Variants in RAD51B observed in about 807,000 individuals in gnomAD.
RAD51B encodes the protein RAD51 paralog B.
In RAD51B, 38 loss-of-function variants were observed where a neutral mutation model predicts 42.2. The observed-to-expected ratio is 0.90, with a 90% CI of 0.70 to 1.18. RAD51B has a LOEUF of 1.18. Among genes scored for constraint, RAD51B ranks in the 50% most tolerant of loss-of-function variants. The pLI, the probability that RAD51B is intolerant of heterozygous loss-of-function variation, is 0.00. For missense variants in RAD51B, 373 were observed against 400.7 expected, an observed-to-expected ratio of 0.93 and a Z score of 0.59; for synonymous variants, 154 against 145.2, an observed-to-expected ratio of 1.06 and a Z score of -0.43.
At chr14:68,563,123 G>A in intron 10 of RAD51B, 6 of 985,434 alleles carry the variant, frequency 6.1e-6, no homozygotes, top group Non-Finnish European at 7.2e-6. Context: ...GTTCAGAGAG[G>A]GCTTCACATT....
chr14:68,184,625 C>CAAAAAAAAAAAAAAAAAAAAAAAA (rs3073458), intron 7 of RAD51B, among the ~76,000 whole-genome samples: 2 of 132,382 alleles, frequency 1.5e-5, no homozygotes, highest in Non-Finnish European at 1.6e-5. Context: ...AAAAAAAAAC[C>CAAAAAAAAAAAAAAAAAAAAAAAA]AAAAAAAAAA....
At chr14:68,648,714 C>CACACAG (rs1360424578) in intron 10 of RAD51B, among the ~76,000 whole-genome samples, 11 of 139,726 alleles carry the variant, frequency 7.9e-5, no homozygotes, top group African/African-American at 2.7e-4. Flanking sequence ...CACACACACA[C>CACACAG]AGGGAAAAAC....
chr14:68,507,832 C>T, intron 10 of RAD51B, among the ~76,000 whole-genome samples: 1 of 152,350 alleles, frequency 6.6e-6, no homozygotes, highest in African/African-American at 2.4e-5. Context: ...AGCCCCTGCT[C>T]CTCCGCCAGT....
chr14:68,453,044 T>C (rs2085597478), intron 9 of RAD51B, among the ~76,000 whole-genome samples: 1 of 152,148 alleles, frequency 6.6e-6, no homozygotes, highest in African/African-American at 2.4e-5. Flanking sequence ...TATTCACATG[T>C]GGGATGTGTG....
At chr14:68,198,938 T>A (rs935198230) in intron 7 of RAD51B, among the ~76,000 whole-genome samples, 1 of 152,190 alleles carries the variant, frequency 6.6e-6, no homozygotes, top group African/African-American at 2.4e-5. Context: ...GGAAACGTTC[T>A]TTTTATATTG....
intron 7 of RAD51B, among the ~76,000 whole-genome samples, chr14:68,193,549 T>C (rs1432333186): frequency 1.3e-5 from 2 of 152,164 alleles, no homozygotes; most frequent in Non-Finnish European, 2.9e-5. Flanking sequence ...GCTAAAGGGA[T>C]GCAAAAACAC....
intron 9 of RAD51B, among the ~76,000 whole-genome samples, chr14:68,413,516 A>T (rs1435684776): frequency 2.6e-5 from 4 of 152,260 alleles, no homozygotes; most frequent in Admixed American, 2.0e-4. Context: ...GGCCAGTGTT[A>T]AAATGGCCAA....
At chr14:68,316,285 G>C (rs1482974740) in intron 8 of RAD51B, among the ~76,000 whole-genome samples, 3 of 152,238 alleles carry the variant, frequency 2.0e-5, no homozygotes, top group Non-Finnish European at 4.4e-5. Context: ...CCTTGGCCAG[G>C]TTGAAGTGGA....
chr14:68,651,701 G>A (rs1186208976), intron 11 of RAD51B, among the ~76,000 whole-genome samples: 3 of 152,012 alleles, frequency 2.0e-5, no homozygotes, highest in African/African-American at 7.2e-5. Flanking sequence ...TTTGGTTGTA[G>A]GCTTCGCTTG....
intron 10 of RAD51B, among the ~76,000 whole-genome samples, chr14:68,578,991 T>G (rs1890094136): frequency 6.6e-6 from 1 of 152,184 alleles, no homozygotes; most frequent in South Asian, 2.1e-4. Flanking sequence ...GCCTCTTCTC[T>G]GGCCCCTTCC....
intron 10 of RAD51B, among the ~76,000 whole-genome samples, chr14:68,594,304 C>G (rs946201884): frequency 6.6e-6 from 1 of 152,222 alleles, no homozygotes; most frequent in African/African-American, 2.4e-5. Context: ...TGTGCACACA[C>G]GAATACTTCT....
intron 11 of RAD51B, among the ~76,000 whole-genome samples, chr14:68,673,983 C>T (rs1256671865): frequency 1.3e-5 from 2 of 152,104 alleles, no homozygotes; most frequent in Admixed American, 1.3e-4. Context: ...CATACACATA[C>T]TGTACACACA....
chr14:68,126,119 A>C (rs141490590), intron 7 of RAD51B, among the ~76,000 whole-genome samples: 34 of 152,264 alleles, frequency 2.2e-4, no homozygotes, highest in African/African-American at 7.5e-4. Flanking sequence ...AATAGAAGGG[A>C]GATTGAATTA....
rs773995727 is a variant in RAD51B at position 68,291,871 on chromosome 14, T to C, written c.757-13T>C. On this transcript the variant is annotated splice_polypyrimidine_tract_variant and intron_variant, in intron 7 of 10. Coordinates refer to ENST00000471583, the MANE Select transcript of RAD51B (RefSeq NM_133510.4). ...TCCCTTGCCCCCTACCCCTTCTCCCTGTCTGTTCACAGGTTATCTTGACGA... is the reference window on the plus strand; with the variant it reads ...TCCCTTGCCCCCTACCCCTTCTCCCCGTCTGTTCACAGGTTATCTTGACGA... The C allele has an allele frequency of 3.1e-6, 5 of 1,602,248 alleles. No homozygotes were observed. Among genetic ancestry groups the C allele is most frequent in the Admixed American group, 3.3e-5 (2 of 59,968 alleles).
intron 7 of RAD51B, among the ~76,000 whole-genome samples, chr14:68,108,462 G>A (rs1719586165): frequency 1.3e-5 from 2 of 151,966 alleles, no homozygotes; most frequent in African/African-American, 4.8e-5. Flanking sequence ...AGTGATACAT[G>A]CGTCAACATG....
At chr14:68,637,717 C>T (rs1271806616) in intron 10 of RAD51B, among the ~76,000 whole-genome samples, 1 of 152,160 alleles carries the variant, frequency 6.6e-6, no homozygotes, top group African/African-American at 2.4e-5. Context: ...AGAAGCGTTT[C>T]ATCAGTGGGG....
At chr14:67,844,930 CT>C (rs1423348158) in intron 4 of RAD51B, among the ~76,000 whole-genome samples, 1 of 152,158 alleles carries the variant, frequency 6.6e-6, no homozygotes, top group East Asian at 1.9e-4. Flanking sequence ...GCAACCCCTA[CT>C]TTTTTCTATT....
chr14:68,098,014 C>T (rs1043713191), intron 7 of RAD51B, among the ~76,000 whole-genome samples: 1 of 152,230 alleles, frequency 6.6e-6, no homozygotes, highest in Non-Finnish European at 1.5e-5. Context: ...ACTCTACTCA[C>T]TTTGCCTGTC....
rs571529097 is a variant in RAD51B, at chr14:68,320,173, T to C, written c.853+28193T>C. On this transcript the variant is annotated intron_variant, in intron 8 of 10. Transcript: ENST00000471583. Reference sequence around the variant, plus strand: ...CTTTCTCTCCTTGTTCTTTACTGGCTGGAATTAATAGAGTACTTTCGGTCT... The same window carrying C: ...CTTTCTCTCCTTGTTCTTTACTGGCCGGAATTAATAGAGTACTTTCGGTCT... Among the ~76,000 whole-genome samples the C allele has an allele frequency of 2.0e-4, 31 of 152,328 alleles. No individual in the cohort carries two copies. The South Asian group carries it at 6.4e-3, about 32-fold the overall frequency.
Sources: allele counts gnomAD v4.1 joint callset (sites outside exome capture counted in the v4.1 genomes callset), GRCh38; gene constraint gnomAD v4.1.1; transcripts MANE v1.5; gene names NCBI Gene and HGNC (gene_info 2026-07-23, HGNC 2026-07-21).